ATF7IP2: variants seen among roughly 807,000 people sequenced by gnomAD.
ATF7IP2 encodes activating transcription factor 7-interacting protein 2.
A neutral mutation model predicts 64.2 loss-of-function variants in ATF7IP2; 42 were observed. That is an observed-to-expected ratio of 0.65 (90% confidence interval 0.51 to 0.85). The LOEUF is 0.85. ATF7IP2 is among the 40% of genes least tolerant of loss of function. ATF7IP2 has a pLI of 0.00. For synonymous variants in ATF7IP2, 308 were observed against 272.8 expected, an observed-to-expected ratio of 1.13 and a Z score of -1.27; for missense variants, 933 against 784.2, an observed-to-expected ratio of 1.19 and a Z score of -2.27.
chr16:10,452,664 T>G (rs1344416294), intron 8 of ATF7IP2, among the ~76,000 whole-genome samples: 1 of 152,192 alleles, frequency 6.6e-6, no homozygotes, highest in Non-Finnish European at 1.5e-5. Flanking sequence ...GCTGCTCTCT[T>G]CAGAGTCCTG....
chr16:10,473,549 T>A lies in ATF7IP2; in HGVS notation c.1482+15T>A. ...CTGAAGTTATGGTGAGTAATAAATA[T>A]TGACTCTGAATATTGTTTATTTAAA... On this transcript the variant is annotated intron_variant, in intron 11 of 13. Coordinates refer to ENST00000562102, the MANE Select transcript of ATF7IP2 (RefSeq NM_001393719.1). The A allele has an allele frequency of 2.7e-6, 4 of 1,501,408 alleles. No individual in the cohort carries two copies. The highest frequency in any genetic ancestry group is 2.8e-6 in the Non-Finnish European group (3 of 1,089,196). 93.0% of individuals were successfully genotyped at this position (1,501,408 alleles called of 1,614,324 possible).
intron 9 of ATF7IP2, among the ~76,000 whole-genome samples, chr16:10,466,406 C>T (rs1291319755): frequency 6.6e-6 from 1 of 152,108 alleles, no homozygotes; most frequent in African/African-American, 2.4e-5. Flanking sequence ...AGTGGAATTG[C>T]TAGGTCATAA....
rs183134834 is a variant in ATF7IP2, at chr16:10,459,417, G to A, written c.1352+1888G>A. ...TGGGAGGCGGAGCTTGCAGTGAGCC[G>A]GTATCACACCACTGTGCTCCAGCCT... On this transcript the variant is annotated intron_variant, in intron 9 of 13. Transcript: ENST00000562102. Among the ~76,000 whole-genome samples the A allele has an allele frequency of 1.7e-3, 253 of 151,804 alleles. 1 individual carries two copies. Among genetic ancestry groups the A allele is most frequent in the Non-Finnish European group, 3.1e-3 (211 of 67,948 alleles).
intron 10 of ATF7IP2, among the ~76,000 whole-genome samples, chr16:10,472,716 C>T (rs1170883767): frequency 6.6e-6 from 1 of 151,966 alleles, no homozygotes; most frequent in Admixed American, 6.6e-5. Flanking sequence ...ATTAGCCAGG[C>T]ATGGTGGCAG....
chr16:10,479,395 G>T lies in ATF7IP2; in HGVS notation c.1550-1484G>T, dbSNP rs950110510. On this transcript the variant is annotated intron_variant, in intron 12 of 13. Transcript: ENST00000562102. ...AAATCATCATACTCAGTAAACTATC[G>T]CAAGAACAAAAAACCAAACACCACA... Among the ~76,000 whole-genome samples the T allele has an allele frequency of 1.8e-4, 28 of 152,070 alleles. No homozygotes were observed. In the East Asian group the frequency reaches 4.8e-3, roughly 26 times the overall value.
intron 7 of ATF7IP2, 71 bp downstream of exon 7, chr16:10,438,306 A>G (rs2048490147): frequency 6.8e-7 from 1 of 1,467,936 alleles, no homozygotes; most frequent in African/African-American, 1.4e-5. Flanking sequence ...CTCAGGCTGC[A>G]GTACGGTGGC....
chr16:10,442,539 A>G (rs1414993286), intron 8 of ATF7IP2, among the ~76,000 whole-genome samples: 1 of 152,208 alleles, frequency 6.6e-6, no homozygotes, highest in Non-Finnish European at 1.5e-5. Context: ...AATAGAAGCC[A>G]TGAGTCCTTT....
At chr16:10,445,127 A>G (rs189348566) in intron 8 of ATF7IP2, among the ~76,000 whole-genome samples, 150 of 152,300 alleles carry the variant, frequency 9.8e-4, no homozygotes, top group Middle Eastern at 3.4e-3. Flanking sequence ...ATAAATTCCT[A>G]TACACCCATA....
At chr16:10,435,034 C>G (rs1315174123) in intron 6 of ATF7IP2, among the ~76,000 whole-genome samples, 1 of 152,196 alleles carries the variant, frequency 6.6e-6, no homozygotes, top group African/African-American at 2.4e-5. Flanking sequence ...TCCCAAAGTG[C>G]TGGGATTACA....
At chr16:10,399,958 A>G (rs979217644) in intron 1 of ATF7IP2, among the ~76,000 whole-genome samples, 20 of 152,196 alleles carry the variant, frequency 1.3e-4, no homozygotes, top group African/African-American at 4.8e-4. Flanking sequence ...GCTATGGTAA[A>G]TGGGATTGCC....
intron 3 of ATF7IP2, among the ~76,000 whole-genome samples, chr16:10,421,381 C>G (rs1448462358): frequency 6.6e-6 from 1 of 152,170 alleles, no homozygotes. Context: ...CCTCCACCTC[C>G]TTTGTTAATT....
chr16:10,426,635 C>T (rs1421840203), intron 3 of ATF7IP2, among the ~76,000 whole-genome samples: 2 of 152,154 alleles, frequency 1.3e-5, no homozygotes, highest in East Asian at 1.9e-4. Flanking sequence ...AAATAACTTA[C>T]ATCAGTGAAA....
Position 10,419,611 on chromosome 16 carries a change from G to T in ATF7IP2, c.-172G>T. On this transcript the variant is annotated 5_prime_UTR_variant, in exon 3 of 14. Transcript: ENST00000562102. ...CTTCCGCCGTCTGTGACAGCTTCTT[G>T]ATCTGTCCCCAGGTAGGTGGCTGCA... is the stretch of plus-strand genomic sequence containing the variant. 6.5e-6 allele frequency: 1 copy of T among 153,602 alleles called. No homozygotes were observed. The highest frequency in any genetic ancestry group is 1.8e-4 in the South Asian group (1 of 5,490). The allele number at this position is 153,602 out of a possible 1,614,324, so 9.5% of individuals were successfully genotyped here.
chr16:10,432,466 G>A (rs2048288115), intron 5 of ATF7IP2, among the ~76,000 whole-genome samples: 1 of 152,156 alleles, frequency 6.6e-6, no homozygotes, highest in African/African-American at 2.4e-5. Context: ...TAGGCTGGGT[G>A]TGGTGGCTCA....
At chr16:10,455,126 A>T (rs2049124249) in intron 8 of ATF7IP2, among the ~76,000 whole-genome samples, 1 of 152,230 alleles carries the variant, frequency 6.6e-6, no homozygotes. Flanking sequence ...TGGTCCCTGC[A>T]AGATGTCCAT....
In ATF7IP2 at chr16:10,451,757, A is replaced by C. The variant is rs140898991; in HGVS notation, c.1195-5615A>C. On this transcript the variant is annotated intron_variant, in intron 8 of 13. Transcript: ENST00000562102. Reference sequence around the variant, plus strand: ...CAAAGCTCTTAGCTTCCTTGCATTGAGTTAGAAGATGCTCCTTTAGGCTGG... The same window carrying C: ...CAAAGCTCTTAGCTTCCTTGCATTGCGTTAGAAGATGCTCCTTTAGGCTGG... Among the ~76,000 whole-genome samples, 8 of 151,874 alleles carry C rather than the reference A, an allele frequency of 5.3e-5. 1 individual carries two copies. Among genetic ancestry groups the C allele is most frequent in the African/African-American group, 1.9e-4 (8 of 41,444 alleles).
At chr16:10,403,969 G>A (rs954172486) in intron 1 of ATF7IP2, among the ~76,000 whole-genome samples, 3 of 152,108 alleles carry the variant, frequency 2.0e-5, no homozygotes, top group Non-Finnish European at 4.4e-5. Flanking sequence ...TGAATTAACA[G>A]TATTTCCAAA....
chr16:10,422,919 A>T (rs1044677170), intron 3 of ATF7IP2, among the ~76,000 whole-genome samples: 3 of 152,216 alleles, frequency 2.0e-5, no homozygotes, highest in Non-Finnish European at 2.9e-5. Context: ...ATCTGAATTA[A>T]TGACTCCTGT....
chr16:10,389,577 T>G (rs908089840), intron 1 of ATF7IP2, among the ~76,000 whole-genome samples: 20 of 152,234 alleles, frequency 1.3e-4, no homozygotes, highest in African/African-American at 4.3e-4. Flanking sequence ...GAGCTAAATC[T>G]TCATCTGCAA....
Sources: allele counts gnomAD v4.1 joint callset (sites outside exome capture counted in the v4.1 genomes callset), GRCh38; gene constraint gnomAD v4.1.1; transcripts MANE v1.5; gene names NCBI Gene and HGNC (gene_info 2026-07-23, HGNC 2026-07-21).